GXYLT2: variants seen among roughly 807,000 people sequenced by gnomAD.
GXYLT2 encodes glycosyltransferase 8 domain containing 4.
In GXYLT2, 53 loss-of-function variants were observed where a neutral mutation model predicts 45.8. The observed-to-expected ratio is 1.16, with a 90% CI of 0.93 to 1.46. GXYLT2 has a LOEUF of 1.46. Ranked by LOEUF, GXYLT2 falls within the 40% of genes most tolerant of loss-of-function variation. GXYLT2 has a pLI of 0.00. For synonymous variants in GXYLT2, 219 were observed against 214.2 expected (o/e 1.02, Z -0.19); for missense variants, 551 against 544.4 (o/e 1.01, Z -0.12).
In GXYLT2 at chr3:72,922,255, C is replaced by G; in HGVS notation, c.520C>G (p.Pro174Ala). 1 of 1,613,284 alleles carries G rather than the reference C, an allele frequency of 6.2e-7. No individual in the cohort carries two copies. The highest frequency in any genetic ancestry group is 8.5e-7 in the Non-Finnish European group (1 of 1,179,334). The change falls in exon 3 of 7, where the codon CCC (proline) becomes GCC (alanine). Residue 174 changes from proline to alanine, a missense_variant. By Grantham distance (27) the Pro-to-Ala change is conservative (BLOSUM62 -1). Transcript: ENST00000389617. ...AAAGAAGTTTGAGCACAGAATCTAC[C>G]CCATCACATTTTCTGTTGGAAACCC... ...YTKKFEHRIY[P>A]ITFSVGNPQE...
At chr3:72,891,809 G>A (rs1486373200) in intron 1 of GXYLT2, among the ~76,000 whole-genome samples, 1 of 152,214 alleles carries the variant, frequency 6.6e-6, no homozygotes, top group Non-Finnish European at 1.5e-5. Flanking sequence ...GTAGGATTAA[G>A]TGTTCAATTT....
Position 72,888,266 on chromosome 3 carries a change from C to A in GXYLT2, c.33C>A (p.Leu11=). 1.0e-6 allele frequency: 1 copy of A among 994,726 alleles called. No homozygotes were observed. Among genetic ancestry groups the A allele is most frequent in the South Asian group, 4.4e-5 (1 of 22,892 alleles). 61.6% of individuals were successfully genotyped at this position (994,726 alleles called of 1,614,324 possible). The stretch of plus-strand genomic sequence containing the variant: ...TCCGCAGCAAGGCGGCGGCGCTGCT[C>A]TTGCTCGCGCTGGCCGCGCTGCTGC... MKLRSKAAAL[L]LLALAALLLA... Residue 11 remains leucine, a synonymous_variant, in exon 1 of 7, where the codon CTC becomes CTA. Transcript: ENST00000389617.
At chr3:72,942,683 A>G (rs1415774532) in intron 3 of GXYLT2, among the ~76,000 whole-genome samples, 2 of 151,950 alleles carry the variant, frequency 1.3e-5, no homozygotes, top group Non-Finnish European at 2.9e-5. Context: ...ATGCGAAAAC[A>G]TCAGACACCC....
rs1709544940 is a variant in GXYLT2 at position 72,908,148 on chromosome 3, C to G, written c.276-219C>G. ...AAAGCCTCAGACACCTATAGCAGTC[C>G]AAACAGTGACTCATCCTGCTATTGC... On this transcript the variant is annotated intron_variant, in intron 1 of 6. Coordinates refer to ENST00000389617, the MANE Select transcript of GXYLT2 (RefSeq NM_001080393.2). The G allele has an allele frequency of 5.8e-6, 3 of 515,844 alleles. No individual in the cohort carries two copies. In the East Asian group the frequency reaches 9.9e-5, roughly 17 times the overall value. 32.0% of individuals were successfully genotyped at this position (515,844 alleles called of 1,614,324 possible).
chr3:72,926,175 T>C (rs1365942835), intron 3 of GXYLT2, among the ~76,000 whole-genome samples: 1 of 152,220 alleles, frequency 6.6e-6, no homozygotes, highest in African/African-American at 2.4e-5. Flanking sequence ...GAGGCTGTCA[T>C]CTACCCAAAA....
At chr3:72,894,431 T>C (rs1343926935) in intron 1 of GXYLT2, among the ~76,000 whole-genome samples, 1 of 152,264 alleles carries the variant, frequency 6.6e-6, no homozygotes, top group East Asian at 1.9e-4. Flanking sequence ...CACTTGACTT[T>C]ATCAAAACCT....
chr3:72,939,850 T>A (rs1361111967), intron 3 of GXYLT2, among the ~76,000 whole-genome samples: 1 of 152,024 alleles, frequency 6.6e-6, no homozygotes, highest in African/African-American at 2.4e-5. Flanking sequence ...CCTGGCTAAT[T>A]TTTGTATTTT....
At position 72,946,276 on chromosome 3, in the gene GXYLT2, G is replaced by GAA. The variant is rs57450041; in HGVS notation, c.601-8795_601-8794dup. On this transcript the variant is annotated intron_variant, in intron 3 of 6. Coordinates refer to ENST00000389617, the MANE Select transcript of GXYLT2 (RefSeq NM_001080393.2). ...TGGGTGACAGAGCAAGACCCTGTCT[G>GAA]AAAAAAAAAAAAAAAAAAAAAAAAA... 2.7e-4 allele frequency among the ~76,000 whole-genome samples: 16 copies of GAA among 59,444 alleles called. 1 individual carries two copies. Among genetic ancestry groups the GAA allele is most frequent in the African/African-American group, 6.6e-4 (13 of 19,812 alleles). 39.0% of individuals were successfully genotyped at this position (59,444 alleles called of 152,430 possible). A position where few individuals can be genotyped will look rare whatever the true frequency, so the allele number is the denominator to read the frequency against.
At chr3:72,934,893 G>A (rs1710148430) in intron 3 of GXYLT2, among the ~76,000 whole-genome samples, 1 of 152,204 alleles carries the variant, frequency 6.6e-6, no homozygotes, top group African/African-American at 2.4e-5. Flanking sequence ...TATCTATGGA[G>A]ATTTAAGAAC....
In GXYLT2 at chr3:72,919,547, G is replaced by A. The variant is rs146882574; in HGVS notation, c.469-2657G>A. Reference sequence around the variant, plus strand: ...AGGCATGTAGATCACCTGAGGTCGGGAGTTTGAGACCAGCCTGACCAACAT... The same window carrying A: ...AGGCATGTAGATCACCTGAGGTCGGAAGTTTGAGACCAGCCTGACCAACAT... On this transcript the variant is annotated intron_variant, in intron 2 of 6. Coordinates refer to ENST00000389617, the MANE Select transcript of GXYLT2 (RefSeq NM_001080393.2). 2.6e-5 allele frequency among the ~76,000 whole-genome samples: 4 copies of A among 152,352 alleles called. 1 individual carries two copies. In the South Asian group the frequency reaches 6.2e-4, roughly 24 times the overall value.
rs1490882265 is a variant in GXYLT2, at chr3:72,937,420, A to G, written c.600+15085A>G. Among the ~76,000 whole-genome samples, 8 of 152,360 alleles carry G rather than the reference A, an allele frequency of 5.3e-5. No individual in the cohort carries two copies. In the East Asian group the frequency reaches 9.6e-4, roughly 18 times the overall value. ...CATAACACTGAAAAAAGGGAAATGT[A>G]TGGTAGGTGGCCAATGACCACCCAA... On this transcript the variant is annotated intron_variant, in intron 3 of 6. Transcript: ENST00000389617.
rs754415215 is a variant in GXYLT2, at chr3:72,955,225, A to G, written c.728A>G (p.Glu243Gly). 34 of 1,613,906 alleles carry G rather than the reference A, an allele frequency of 2.1e-5. No homozygotes were observed. In the Admixed American group the frequency reaches 5.7e-4, roughly 27 times the overall value. ...ACCCAGCTTGCAGCCATGGCCCCTG[A>G]GCACGAAATCCCCAAGATTGGCTGG... The part of the protein sequence containing the change: ...NSTQLAAMAP[E>G]HEIPKIGWYS... The change falls in exon 4 of 7, where the codon GAG becomes GGG. Residue 243 changes from glutamate (E) to glycine (G), a missense_variant. Glu to Gly is a moderately conservative substitution (Grantham distance 98). Coordinates refer to ENST00000389617, the MANE Select transcript of GXYLT2 (RefSeq NM_001080393.2).
chr3:72,961,674 A>AAAAAAAGAG (rs1278781750), intron 5 of GXYLT2, among the ~76,000 whole-genome samples: 8 of 119,006 alleles, frequency 6.7e-5, no homozygotes, highest in South Asian at 3.0e-4. Context: ...AAAAAAAAAA[A>AAAAAAAGAG]AGAGAGAGAG....
At chr3:72,933,819 T>C (rs1272619959) in intron 3 of GXYLT2, among the ~76,000 whole-genome samples, 10 of 152,078 alleles carry the variant, frequency 6.6e-5, no homozygotes, top group Admixed American at 6.6e-4. Flanking sequence ...GGAGGATCAC[T>C]TGAGCTCCAG....
intron 3 of GXYLT2, among the ~76,000 whole-genome samples, chr3:72,924,333 A>G (rs112378555): frequency 7.9e-4 from 120 of 152,072 alleles, no homozygotes; most frequent in African/African-American, 2.7e-3. Context: ...AGCTGGGACT[A>G]CAGGTGTGAG....
At chr3:72,964,578 C>T (rs1710828961) in intron 5 of GXYLT2, among the ~76,000 whole-genome samples, 1 of 152,194 alleles carries the variant, frequency 6.6e-6, no homozygotes, top group African/African-American at 2.4e-5. Flanking sequence ...GCCTTGGCCT[C>T]CCAAAGTGCT....
chr3:72,924,766 AT>A (rs573699884), intron 3 of GXYLT2, among the ~76,000 whole-genome samples: 11 of 150,122 alleles, frequency 7.3e-5, no homozygotes, highest in South Asian at 2.1e-4. Flanking sequence ...ATTTTACCAG[AT>A]TTTTTTTTTA....
At chr3:72,930,741 G>C (rs1202089699) in intron 3 of GXYLT2, among the ~76,000 whole-genome samples, 2 of 151,410 alleles carry the variant, frequency 1.3e-5, no homozygotes, top group Non-Finnish European at 2.9e-5. Context: ...CTACAGGTGT[G>C]CACCACCAAG....
intron 3 of GXYLT2, among the ~76,000 whole-genome samples, chr3:72,949,627 T>TCAGCCTCCGGAGTAGCTGAGACCA (rs1710478660): frequency 7.1e-6 from 1 of 141,322 alleles, no homozygotes; most frequent in Non-Finnish European, 1.5e-5. Flanking sequence ...TTCTCCTGCC[T>TCAGCCTCCGGAGTAGCTGAGACCA]CAGCCTCCGG....
Sources: allele counts gnomAD v4.1 joint callset (sites outside exome capture counted in the v4.1 genomes callset), GRCh38; gene constraint gnomAD v4.1.1; transcripts MANE v1.5; gene names NCBI Gene and HGNC (gene_info 2026-07-23, HGNC 2026-07-21).